The following CRMP1 variants were observed in gnomAD, a reference collection of about 807,000 sequenced individuals.
CRMP1 encodes collapsin response mediator protein 1.
CRMP1 carries 19 observed loss-of-function variants against 68.3 expected under a neutral mutation model. The observed-to-expected ratio is 0.28, with a 90% CI of 0.19 to 0.41. The LOEUF (loss-of-function observed/expected upper bound fraction) is 0.41. Ranked by LOEUF, CRMP1 falls within the 10% of genes least tolerant of loss-of-function variation. CRMP1 has a pLI of 1.00. For missense variants in CRMP1, 791 were observed against 967.4 expected (o/e 0.82, Z 2.42); for synonymous variants, 439 against 399.6 (o/e 1.10, Z -1.18).
chr4:5,828,308 G>A lies in CRMP1; in HGVS notation c.1803+181C>T, dbSNP rs1479747411. On this transcript the variant is annotated intron_variant, in intron 12 of 13. Transcript: ENST00000324989. ...TGGAACTTGCATGTCCTCATTTGAT[G>A]CTCACTCCTGTCCTCAGACAGGAGC... 9.1e-6 allele frequency: 9 copies of A among 984,428 alleles called. No homozygotes were observed. In the East Asian group the frequency reaches 9.1e-4, roughly 99 times the overall value. The allele number at this position is 984,428 out of a possible 1,614,324, so 61.0% of individuals were successfully genotyped here.
chr4:5,824,409 C>G lies in CRMP1; in HGVS notation c.1969+1085G>C, dbSNP rs1434971060. 3.0e-6 allele frequency: 3 copies of G among 985,246 alleles called. No individual in the cohort carries two copies. The East Asian group carries it at 3.4e-4, about 112-fold the overall frequency. The allele number at this position is 985,246 out of a possible 1,614,324, so 61.0% of individuals were successfully genotyped here. On this transcript the variant is annotated intron_variant, in intron 13 of 13. Coordinates refer to ENST00000324989, the MANE Select transcript of CRMP1 (RefSeq NM_001014809.3). The stretch of plus-strand genomic sequence containing the variant: ...GCCTCCTTGATTCATGCCTCCTCGG[C>G]ATAATCACTGAATCAGACACTTCCT...
At chr4:5,830,909 T>A (rs922038630) in intron 11 of CRMP1, among the ~76,000 whole-genome samples, 1 of 152,228 alleles carries the variant, frequency 6.6e-6, no homozygotes, top group African/African-American at 2.4e-5. Context: ...TTGGATCTTC[T>A]CAGTGTAAAA....
chr4:5,881,687 AG>A lies in CRMP1; in HGVS notation c.381+10901del, dbSNP rs1715231359. ...AACATCTCTCTGCTTGTGAATACTC[AG>A]GGCTCCACCTGAGAGATGCTACAAT... On this transcript the variant is annotated intron_variant, in intron 1 of 13. Coordinates refer to ENST00000324989, the MANE Select transcript of CRMP1 (RefSeq NM_001014809.3). This position sits in a 1 kb window ranked among gnomAD's most constrained non-coding sequence, Gnocchi z 4.6. 6.6e-6 allele frequency among the ~76,000 whole-genome samples: 1 copy of A among 152,154 alleles called. No individual in the cohort carries two copies. The highest frequency in any genetic ancestry group is 2.4e-5 in the African/African-American group (1 of 41,444).
At chr4:5,831,867 G>A (rs1720402925) in intron 11 of CRMP1, among the ~76,000 whole-genome samples, 1 of 152,178 alleles carries the variant, frequency 6.6e-6, no homozygotes, top group Non-Finnish European at 1.5e-5. Context: ...TGCCATCCAT[G>A]AGCCCCATTT....
At position 5,890,070 on chromosome 4, in the gene CRMP1, T is replaced by C. The variant is rs997961878; in HGVS notation, c.381+2519A>G. On this transcript the variant is annotated intron_variant, in intron 1 of 13. Coordinates refer to ENST00000324989, the MANE Select transcript of CRMP1 (RefSeq NM_001014809.3). The surrounding 1 kb of genome is among the most constrained non-coding windows in gnomAD (Gnocchi z 5.5). ...TTCCCTCCACGCATTCATGCATCCC[T>C]GGCTCTCAGCGGGGCCTAAAATCCC... 2.4e-6 allele frequency: 1 copy of C among 415,702 alleles called. No individual in the cohort carries two copies. Among genetic ancestry groups the C allele is most frequent in the Non-Finnish European group, 3.5e-6 (1 of 289,700 alleles). The allele number at this position is 415,702 out of a possible 1,614,324, so 25.8% of individuals were successfully genotyped here.
intron 1 of CRMP1, among the ~76,000 whole-genome samples, chr4:5,884,481 T>C (rs200854888): frequency 2.7e-5 from 2 of 75,078 alleles, no homozygotes; most frequent in Admixed American, 1.2e-4. Context: ...CAACTATGCA[T>C]GCACACACAC....
At chr4:5,839,937 G>A (rs1019752083) in intron 8 of CRMP1, among the ~76,000 whole-genome samples, 3 of 152,222 alleles carry the variant, frequency 2.0e-5, no homozygotes, top group African/African-American at 7.2e-5. Flanking sequence ...TGTGGATATG[G>A]CTGTTGCTTT....
rs1560522136 is a variant in CRMP1 at position 5,883,244 on chromosome 4, C to CTACCATCT, written c.381+9344_381+9345insAGATGGTA. Among the ~76,000 whole-genome samples, 7 of 147,780 alleles carry CTACCATCT rather than the reference C, an allele frequency of 4.7e-5. No homozygotes were observed. The highest frequency in any genetic ancestry group is 4.0e-4 in the Admixed American group (6 of 14,928). ...GCAGCCTGCCTGCTTTCCTTCCTTC[C>CTACCATCT]TTCCTTCCTTCCTTCCTCCCTCCCT... On this transcript the variant is annotated intron_variant, in intron 1 of 13. Coordinates refer to ENST00000324989, the MANE Select transcript of CRMP1 (RefSeq NM_001014809.3). The surrounding 1 kb of genome is among the most constrained non-coding windows in gnomAD (Gnocchi z 4.5).
At chr4:5,836,514 G>GA (rs1377104202) in intron 10 of CRMP1, among the ~76,000 whole-genome samples, 2 of 152,172 alleles carry the variant, frequency 1.3e-5, no homozygotes, top group African/African-American at 4.8e-5. Context: ...ACGTGGTTGA[G>GA]AAACAAAACA....
chr4:5,835,652 T>C (rs1720679148), intron 11 of CRMP1, among the ~76,000 whole-genome samples: 1 of 152,042 alleles, frequency 6.6e-6, no homozygotes, highest in Admixed American at 6.6e-5. Flanking sequence ...TGGGAACACA[T>C]GCATCCATGG....
Position 5,879,642 on chromosome 4 carries a change from C to T in CRMP1, c.382-12886G>A, listed in dbSNP as rs1715097635. On this transcript the variant is annotated intron_variant, in intron 1 of 13. Coordinates refer to ENST00000324989, the MANE Select transcript of CRMP1 (RefSeq NM_001014809.3). The surrounding 1 kb of genome is among the most constrained non-coding windows in gnomAD (Gnocchi z 4.2). The stretch of plus-strand genomic sequence containing the variant: ...AGCACCCAATACACTGAACACTGTC[C>T]TATGAAGTTTAACATTCTATGCCAA... Among the ~76,000 whole-genome samples, 1 of 152,154 alleles carries T rather than the reference C, an allele frequency of 6.6e-6. No individual in the cohort carries two copies. Among genetic ancestry groups the T allele is most frequent in the Non-Finnish European group, 1.5e-5 (1 of 68,036 alleles).
chr4:5,839,455 A>C lies in CRMP1; in HGVS notation c.1310+67T>G, dbSNP rs1711537199. 2.0e-6 allele frequency: 3 copies of C among 1,537,478 alleles called. No homozygotes were observed. The African/African-American group carries it at 4.1e-5, about 21-fold the overall frequency. Reference sequence around the variant, plus strand: ...AGTCCAAACCAGCCTGCGGATTCCCACCATTAACTCTCTGCCTCCAAAGGC... The same window carrying C: ...AGTCCAAACCAGCCTGCGGATTCCCCCCATTAACTCTCTGCCTCCAAAGGC... On this transcript the variant is annotated intron_variant, in intron 9 of 13. Transcript: ENST00000324989.
At chr4:5,868,261 CTATATATATATATA>C (rs60816757) in intron 1 of CRMP1, among the ~76,000 whole-genome samples, 1,315 of 111,436 alleles carry the variant, frequency 0.012, 25 homozygotes, top group African/African-American at 0.036. Flanking sequence ...GACTATATAT[CTATATATATATATA>C]TATATATATA....
rs574797539 is a variant in CRMP1, at chr4:5,834,054, C to T, written c.1623+1861G>A. Among the ~76,000 whole-genome samples the T allele has an allele frequency of 1.3e-5, 2 of 152,280 alleles. No individual in the cohort carries two copies. The highest frequency in any genetic ancestry group is 1.9e-4 in the East Asian group (1 of 5,174). On this transcript the variant is annotated intron_variant, in intron 11 of 13. Transcript: ENST00000324989. This position sits in a 1 kb window ranked among gnomAD's most constrained non-coding sequence, Gnocchi z 4.3. ...GAGCAAGACTCCATCTCAACAACAA[C>T]AAAAGGAATAGTAAGACAATCCCAG...
intron 1 of CRMP1, among the ~76,000 whole-genome samples, chr4:5,869,698 A>AG (rs1363589476): frequency 4.0e-5 from 6 of 151,350 alleles, no homozygotes; most frequent in African/African-American, 7.3e-5. Flanking sequence ...AAAAAAAAAA[A>AG]AAAGAAAAAG....
intron 1 of CRMP1, among the ~76,000 whole-genome samples, chr4:5,884,190 T>A (rs562153214): frequency 6.6e-6 from 1 of 152,312 alleles, no homozygotes; most frequent in African/African-American, 2.4e-5. Context: ...ACTGTGGACA[T>A]CTCAAATCCT....
intron 12 of CRMP1, chr4:5,828,279 G>GC: frequency 1.0e-6 from 1 of 985,252 alleles, no homozygotes; most frequent in East Asian, 1.1e-4. Context: ...AGTTTGCAAA[G>GC]CCCTGGAACT....
Position 5,821,727 on chromosome 4 carries a change from A to C in CRMP1, c.*33T>G. On this transcript the variant is annotated 3_prime_UTR_variant, in exon 14 of 14. Coordinates refer to ENST00000324989, the MANE Select transcript of CRMP1 (RefSeq NM_001014809.3). The surrounding 1 kb of genome is among the most constrained non-coding windows in gnomAD (Gnocchi z 4.4). The stretch of plus-strand genomic sequence containing the variant: ...AAAAGGGATGGACATGATTCCCAGA[A>C]TCCTTCAGGCTAGCTCCTCCGCGCA... 1 of 1,559,974 alleles carries C rather than the reference A, an allele frequency of 6.4e-7. No homozygotes were observed. Among genetic ancestry groups the C allele is most frequent in the Non-Finnish European group, 8.7e-7 (1 of 1,143,940 alleles).
rs879602050 is a variant in CRMP1 at position 5,825,900 on chromosome 4, G to A, written c.1804-241C>T. ...ACATACCCACATGCATACACATACA[G>A]ACGCACACACCACGCACACGCACTC... On this transcript the variant is annotated intron_variant, in intron 12 of 13. Transcript: ENST00000324989. This position sits in a 1 kb window ranked among gnomAD's most constrained non-coding sequence, Gnocchi z 4.4. 3.8e-6 allele frequency: 2 copies of A among 532,808 alleles called. No homozygotes were observed. The highest frequency in any genetic ancestry group is 6.5e-6 in the Non-Finnish European group (2 of 306,082). The allele number at this position is 532,808 out of a possible 1,614,324, so 33.0% of individuals were successfully genotyped here. A position where few individuals can be genotyped will look rare whatever the true frequency, so the allele number is the denominator to read the frequency against.
Sources: gnomAD v4.1 joint callset for allele counts (sites outside exome capture counted in the v4.1 genomes callset) on GRCh38, gnomAD v4.1.1 for gene constraint, Gnocchi (gnomAD v3.1) non-coding constraint, MANE v1.5 for transcripts, NCBI Gene and HGNC (gene_info 2026-07-23, HGNC 2026-07-21) for gene names.